Variants in EVPL observed in about 807,000 individuals in gnomAD.
The protein encoded by EVPL is 210 kDa cornified envelope precursor protein.
Under a neutral mutation model 129.7 loss-of-function variants are expected in EVPL, and 94 were observed. That is an observed-to-expected ratio of 0.72 (90% CI 0.61 to 0.86). The LOEUF (loss-of-function observed/expected upper bound fraction) is 0.86. Ranked by LOEUF, EVPL falls within the 40% of genes least tolerant of loss-of-function variation. EVPL has a pLI of 0.00. For missense variants in EVPL, 2,625 were observed against 2,721.1 expected (o/e 0.96, Z 0.79); for synonymous variants, 1,172 against 1,191.1 (o/e 0.98, Z 0.33).
chr17:76,017,679 T>C, intron 14 of EVPL, 60 bp downstream of exon 14: 1 of 1,574,358 alleles, frequency 6.4e-7, no homozygotes, highest in Non-Finnish European at 8.6e-7. Context: ...CTCCCTCAAG[T>C]GTGAGCACCA....
At position 76,007,623 on chromosome 17, in the gene EVPL, G is replaced by GCCT; in HGVS notation, c.5579_5581dup (p.Glu1860dup). The GCCT allele has an allele frequency of 3.1e-6, 5 of 1,613,850 alleles. No homozygotes were observed. Among genetic ancestry groups the GCCT allele is most frequent in the Non-Finnish European group, 4.2e-6 (5 of 1,180,036 alleles). ...CACGATGCCCCCTGTGGCCGCCTGG[G>GCCT]CCTCCAGTAGCTTCTGCCCAGTGAT... On this transcript the variant is annotated inframe_insertion, in exon 22 of 22. Transcript: ENST00000301607. The surrounding 1 kb of genome is among the most constrained non-coding windows in gnomAD (Gnocchi z 8.8).
rs2066488949 is a variant in EVPL at position 76,024,985 on chromosome 17, T to C, written c.99-865A>G. On this transcript the variant is annotated intron_variant, in intron 1 of 21. Coordinates refer to ENST00000301607, the MANE Select transcript of EVPL (RefSeq NM_001988.4). This position sits in a 1 kb window ranked among gnomAD's most constrained non-coding sequence, Gnocchi z 4.5. Reference sequence around the variant, plus strand: ...TGCTGGGGCAGGAGAAGCCTTGAACTGGGTCAAAGGATGGGCCCCCCCAGG... The same window carrying C: ...TGCTGGGGCAGGAGAAGCCTTGAACCGGGTCAAAGGATGGGCCCCCCCAGG... Among the ~76,000 whole-genome samples, 2 of 152,180 alleles carry C rather than the reference T, an allele frequency of 1.3e-5. No homozygotes were observed. The highest frequency in any genetic ancestry group is 6.5e-5 in the Admixed American group (1 of 15,284).
Position 76,019,536 on chromosome 17 carries a change from G to A in EVPL, c.1129C>T (p.Gln377Ter), listed in dbSNP as rs2066442610. 4.5e-6 allele frequency: 7 copies of A among 1,558,556 alleles called. No individual in the cohort carries two copies. The highest frequency in any genetic ancestry group is 3.6e-5 in the South Asian group (3 of 82,916). ...PPGAPTELLQ[Q>*]LEAEEKRLAV... ...TGGTGGGGTTGTCTCACCTCCAGCT[G>A]TTGCAGCAGCTCTGTGGGGGCGCCA... is the stretch of plus-strand genomic sequence containing the variant. Residue 377 changes from glutamine (Q) to a stop codon, truncating the protein, a stop_gained, in exon 10 of 22, where the codon CAG (glutamine) becomes TAG (stop). Transcript: ENST00000301607. LOFTEE classifies it high-confidence loss of function.
intron 14 of EVPL, among the ~76,000 whole-genome samples, chr17:76,015,936 G>A (rs2066416554): frequency 6.6e-6 from 1 of 152,184 alleles, no homozygotes; most frequent in African/African-American, 2.4e-5. Context: ...TTGAGGTCAG[G>A]AGATCGAGAC....
chr17:76,014,384 G>A (rs777075905), intron 18 of EVPL, 42 bp downstream of exon 18: 7 of 1,580,388 alleles, frequency 4.4e-6, no homozygotes, highest in Non-Finnish European at 6.0e-6. Context: ...GGCCACTAGG[G>A]GGCCACATGG....
At chr17:76,014,035 C>G (rs2066398273) in intron 18 of EVPL, among the ~76,000 whole-genome samples, 1 of 152,196 alleles carries the variant, frequency 6.6e-6, no homozygotes, top group Non-Finnish European at 1.5e-5. Context: ...GCAAGTGTGT[C>G]CAGCCTGGGG....
chr17:76,026,946 TC>T lies in EVPL; in HGVS notation c.98+154del, dbSNP rs770551382. Among the ~76,000 whole-genome samples the T allele has an allele frequency of 5.3e-5, 8 of 151,966 alleles. No homozygotes were observed. The East Asian group carries it at 1.5e-3, about 29-fold the overall frequency. ...TGCGGCTCCCAAGGCAGGGAGAGAGTCCATCCCTGGGCCCTTTGGCCTCAGG... is the reference window on the plus strand; with the variant it reads ...TGCGGCTCCCAAGGCAGGGAGAGAGTCATCCCTGGGCCCTTTGGCCTCAGG... On this transcript the variant is annotated intron_variant, in intron 1 of 21. Coordinates refer to ENST00000301607, the MANE Select transcript of EVPL (RefSeq NM_001988.4).
intron 9 of EVPL, 122 bp from the exon 10 acceptor site, chr17:76,019,775 A>G: frequency 8.1e-7 from 1 of 1,238,988 alleles, no homozygotes; most frequent in Non-Finnish European, 1.1e-6. Flanking sequence ...GCTAAACACA[A>G]ACCAGCTAAA....
chr17:76,015,131 C>T, intron 16 of EVPL, 22 bp from the exon 17 acceptor site: 1 of 1,568,736 alleles, frequency 6.4e-7, no homozygotes, highest in South Asian at 1.1e-5. Flanking sequence ...GGGGACGCAG[C>T]CGTGCACCCT....
rs2066407068 is a variant in EVPL, at chr17:76,015,014, G to A, written c.2124C>T (p.Asn708=). ...GGTCTTGGCAGAACTCCTGGAAGTT[G>A]TTCTGCAGGGCAGCGCATGCGTGCT... ...ASEHACAALQ[N]NFQEFCQDLP... Residue 708 remains asparagine (N), a synonymous_variant, in exon 17 of 22, where the codon AAC becomes AAT. Coordinates refer to ENST00000301607, the MANE Select transcript of EVPL (RefSeq NM_001988.4). The A allele has an allele frequency of 1.3e-6, 2 of 1,596,036 alleles. No homozygotes were observed. Among genetic ancestry groups the A allele is most frequent in the Non-Finnish European group, 1.7e-6 (2 of 1,176,788 alleles).
chr17:76,019,048 GT>G lies in EVPL; in HGVS notation c.1149del (p.Lys383AsnfsTer58). The G allele has an allele frequency of 6.3e-7, 1 of 1,574,838 alleles. No homozygotes were observed. ...GTGGCCCTCTCGGTGACGGCCAGCC[GT>G]TTTTCCTCTGCCTGCCGGGGGCCCA... Reference protein sequence around the residue: ...ELLQQLEAEEKRLAVTERATG... With the variant: ...ELLQQLEAEEXRLAVTERATG... On this transcript the variant is annotated frameshift_variant, in exon 11 of 22. Coordinates refer to ENST00000301607, the MANE Select transcript of EVPL (RefSeq NM_001988.4). LOFTEE classifies it high-confidence loss of function.
In EVPL at chr17:76,017,820, CCTCT is replaced by C. The variant is rs755942785; in HGVS notation, c.1625_1628del (p.Glu542GlyfsTer11). Reference sequence around the variant, plus strand: ...GGGCCCGCGCCCAGGCCAGCACCTGCCTCTCTATCTGTCCCAGGTCTCCATCCAG... The same window carrying C: ...GGGCCCGCGCCCAGGCCAGCACCTGCCTATCTGTCCCAGGTCTCCATCCAG... On this transcript the variant is annotated frameshift_variant, in exon 14 of 22. Coordinates refer to ENST00000301607, the MANE Select transcript of EVPL (RefSeq NM_001988.4). LOFTEE classifies it high-confidence loss of function. The C allele has an allele frequency of 1.2e-6, 2 of 1,613,894 alleles. No homozygotes were observed. The highest frequency in any genetic ancestry group is 8.5e-7 in the Non-Finnish European group (1 of 1,180,048).
chr17:76,009,104 C>T lies in EVPL; in HGVS notation c.4101G>A (p.Glu1367=). The T allele has an allele frequency of 6.2e-7, 1 of 1,613,204 alleles. No individual in the cohort carries two copies. Among genetic ancestry groups the T allele is most frequent in the Non-Finnish European group, 8.5e-7 (1 of 1,179,514 alleles). The change falls in exon 22 of 22, where the codon GAG becomes GAA. Residue 1367 remains glutamate, a synonymous_variant. Transcript: ENST00000301607. The surrounding 1 kb of genome is among the most constrained non-coding windows in gnomAD (Gnocchi z 5.9). ...KRLLLERRKP[E]EKVVVQEVVV... is the part of the protein sequence containing the mutation. ...CCACCTCCTGCACCACCACCTTCTC[C>T]TCGGGCTTCCTCCTCTCCAGCAGCA... is the stretch of plus-strand genomic sequence containing the variant.
In EVPL at chr17:76,007,969, G is replaced by A. The variant is rs556235754; in HGVS notation, c.5236C>T (p.Gln1746Ter). Reference sequence around the variant, plus strand: ...CGGAGGGCGGCCTCGATGGAGTACTGCTTCCCGCTCTTGCGGTCCAGGAGC... The same window carrying A: ...CGGAGGGCGGCCTCGATGGAGTACTACTTCCCGCTCTTGCGGTCCAGGAGC... ...SVLLDRKSGK[Q>*]YSIEAALRCR... Residue 1746 changes from glutamine (Q) to a stop codon, truncating the protein, a stop_gained, in exon 22 of 22, where the codon CAG (glutamine) becomes TAG (stop). Transcript: ENST00000301607. LOFTEE classifies it low-confidence loss of function (END_TRUNC). The surrounding 1 kb of genome is among the most constrained non-coding windows in gnomAD (Gnocchi z 8.8). The A allele has an allele frequency of 3.7e-6, 6 of 1,614,096 alleles. No individual in the cohort carries two copies. The African/African-American group carries it at 8.0e-5, about 22-fold the overall frequency.
chr17:76,017,980 G>A lies in EVPL; in HGVS notation c.1538-69C>T. On this transcript the variant is annotated intron_variant, in intron 13 of 21. Transcript: ENST00000301607. ...ACTGCCAGATAGGTGCCCCCACCAG[G>A]TGCCCACAGAGGGTCCTGTCGGGGT... 11 of 1,595,042 alleles carry A rather than the reference G, an allele frequency of 6.9e-6. No homozygotes were observed. The South Asian group carries it at 7.9e-5, about 11-fold the overall frequency.
rs1273995039 is a variant in EVPL, at chr17:76,015,482, G to A, written c.1857C>T (p.Asp619=). 6.2e-7 allele frequency: 1 copy of A among 1,613,268 alleles called. No individual in the cohort carries two copies. Among genetic ancestry groups the A allele is most frequent in the Admixed American group, 1.7e-5 (1 of 60,036 alleles). Residue 619 remains aspartate, a synonymous_variant, in exon 15 of 22, where the codon GAC becomes GAT. Transcript: ENST00000301607. ...ALNSVKNKFS[D]VQVLCSLYGE... ...CGTAGAGGCTGCACAGAACCTGCACGTCACTGAACTTGTTCTTCACGCTGT... is the reference window on the plus strand; with the variant it reads ...CGTAGAGGCTGCACAGAACCTGCACATCACTGAACTTGTTCTTCACGCTGT...
At chr17:76,023,096 C>A (rs1423208543) in intron 4 of EVPL, among the ~76,000 whole-genome samples, 196 bp downstream of exon 4, 2 of 152,264 alleles carry the variant, frequency 1.3e-5, no homozygotes, top group Middle Eastern at 3.4e-3. Context: ...AGCCCTCTCA[C>A]CCCTCTGAGG....
Position 76,008,388 on chromosome 17 carries a change from T to C in EVPL, c.4817A>G (p.Lys1606Arg). The change falls in exon 22 of 22, where the codon AAG becomes AGG. Residue 1606 changes from lysine (K) to arginine (R), a missense_variant. Physicochemically the swap from Lys to Arg is conservative, Grantham distance 26 (BLOSUM62 2). Transcript: ENST00000301607. The surrounding 1 kb of genome is among the most constrained non-coding windows in gnomAD (Gnocchi z 7.4). ...CTGCAGCTGCAGTGTCTGCTGCTGC[T>C]TCTGCCTCTCCAGAGCCCGCAGCTC... is the stretch of plus-strand genomic sequence containing the variant. ...QQELRALERQKQQQTLQLQEE... is the reference protein window; with the variant it reads ...QQELRALERQRQQQTLQLQEE... 1 of 1,597,672 alleles carries C rather than the reference T, an allele frequency of 6.3e-7. No homozygotes were observed. The highest frequency in any genetic ancestry group is 1.1e-5 in the South Asian group (1 of 90,628).
Position 76,015,565 on chromosome 17 carries a change from C to T in EVPL, c.1774G>A (p.Ala592Thr), listed in dbSNP as rs767490272. 3 of 1,613,304 alleles carry T rather than the reference C, an allele frequency of 1.9e-6. No homozygotes were observed. In the African/African-American group the frequency reaches 4.0e-5, roughly 22 times the overall value. The change falls in exon 15 of 22, where the codon GCG (alanine) becomes ACG (threonine). Residue 592 changes from alanine (A) to threonine (T), a missense_variant. Ala to Thr is a moderately conservative substitution (Grantham distance 58, BLOSUM62 0). Around this residue, in one of 4 missense-constraint regions of EVPL, gnomAD observed 1,024 missense variants for 997.5 expected, o/e 1.03. Transcript: ENST00000301607. Reference sequence around the variant, plus strand: ...CCCACGGGCCGCGTGGACAGAAACGCCTCGCACTCCTTCTGGGCTGTCTCC... The same window carrying T: ...CCCACGGGCCGCGTGGACAGAAACGTCTCGCACTCCTTCTGGGCTGTCTCC... ...EKETAQKECE[A>T]FLSTRPVGPA... is the part of the protein sequence containing the mutation.
Sources: allele counts gnomAD v4.1 joint callset (sites outside exome capture counted in the v4.1 genomes callset), GRCh38; gene constraint gnomAD v4.1.1; regional missense constraint gnomAD v4.1.1; non-coding constraint Gnocchi (gnomAD v3.1); transcripts MANE v1.5; gene names NCBI Gene and HGNC (gene_info 2026-07-23, HGNC 2026-07-21).